The following DOCK1 variants were observed in gnomAD, a reference collection of about 807,000 sequenced individuals.
DOCK1 encodes dedicator of cytokinesis protein 1.
In DOCK1, 138 loss-of-function variants were observed where a neutral mutation model predicts 262.7. The ratio of observed to expected loss-of-function variants is 0.53; its 90% CI spans 0.46 to 0.61. The LOEUF is 0.61. Among genes scored for constraint, DOCK1 ranks in the 20% least tolerant of loss-of-function variants. DOCK1 has a pLI of 0.00. For missense variants in DOCK1, 1,908 were observed against 2,370.7 expected, an observed-to-expected ratio of 0.80 and a Z score of 4.05; for synonymous variants, 866 against 867.4, an observed-to-expected ratio of 1.00 and a Z score of 0.03.
rs1477852584 is a variant in DOCK1 at position 127,418,407 on chromosome 10, C to T, written c.4558C>T (p.Leu1520=). 2 of 1,613,704 alleles carry T rather than the reference C, an allele frequency of 1.2e-6. No homozygotes were observed. Among genetic ancestry groups the T allele is most frequent in the African/African-American group, 2.7e-5 (2 of 74,892 alleles). The change falls in exon 45 of 52, where the codon CTG becomes TTG. Residue 1520 remains leucine (L), a synonymous_variant. Transcript: ENST00000623213. The part of the protein sequence containing the change: ...PLENAIETMQ[L]TNDKINSMVQ... ...GGAGAATGCCATTGAGACCATGCAG[C>T]TGACGAACGACAAGATCAACAGCAT...
At chr10:127,151,881 C>T (rs2052525017) in intron 27 of DOCK1, among the ~76,000 whole-genome samples, 1 of 152,160 alleles carries the variant, frequency 6.6e-6, no homozygotes, top group African/African-American at 2.4e-5. Context: ...TCGAGTCATT[C>T]CTGAAAGGAC....
At chr10:127,322,800 G>A (rs1254137738) in intron 29 of DOCK1, among the ~76,000 whole-genome samples, 5 of 152,226 alleles carry the variant, frequency 3.3e-5, no homozygotes, top group Non-Finnish European at 7.3e-5. Context: ...GAGACCATAT[G>A]GCCTGCAAGG....
chr10:126,918,985 G>A (rs1591311307), intron 1 of DOCK1, among the ~76,000 whole-genome samples: 1 of 106,770 alleles, frequency 9.4e-6, no homozygotes, highest in Non-Finnish European at 2.1e-5. Flanking sequence ...AAAGCCGAGA[G>A]GGAGTGTGGG....
At chr10:126,948,611 A>T (rs1477341783) in intron 1 of DOCK1, among the ~76,000 whole-genome samples, 4 of 151,922 alleles carry the variant, frequency 2.6e-5, no homozygotes, top group African/African-American at 7.3e-5. Flanking sequence ...CAGGCCACAG[A>T]TGGAGAAGGA....
At chr10:127,283,899 A>G (rs2061054644) in intron 29 of DOCK1, among the ~76,000 whole-genome samples, 1 of 152,228 alleles carries the variant, frequency 6.6e-6, no homozygotes. Flanking sequence ...CATTCCCAGA[A>G]GTCGGATTAC....
intron 38 of DOCK1, among the ~76,000 whole-genome samples, chr10:127,387,887 A>G (rs1382733010): frequency 6.6e-6 from 1 of 151,874 alleles, no homozygotes; most frequent in Non-Finnish European, 1.5e-5. Context: ...AGGTAGCCAA[A>G]TATCTTTTCC....
chr10:127,012,823 A>T lies in DOCK1; in HGVS notation c.1201+449A>T, dbSNP rs2041567043. ...ACTCACTGTTTTTAATCCTGCACTG[A>T]CACGTTTCTGAGCAGCTGACCTGCT... On this transcript the variant is annotated intron_variant, in intron 12 of 51. Coordinates refer to ENST00000623213, the MANE Select transcript of DOCK1 (RefSeq NM_001290223.2). The surrounding 1 kb of genome is among the most constrained non-coding windows in gnomAD (Gnocchi z 4.0). Among the ~76,000 whole-genome samples the T allele has an allele frequency of 1.3e-5, 2 of 152,098 alleles. No individual in the cohort carries two copies.
At chr10:127,195,066 C>T (rs1455120502) in intron 27 of DOCK1, among the ~76,000 whole-genome samples, 1 of 152,216 alleles carries the variant, frequency 6.6e-6, no homozygotes, top group Non-Finnish European at 1.5e-5. Context: ...TCCCCCACTC[C>T]TGGCATCTCT....
intron 27 of DOCK1, among the ~76,000 whole-genome samples, chr10:127,197,601 A>AG (rs1486951201): frequency 6.6e-6 from 1 of 152,184 alleles, no homozygotes; most frequent in Non-Finnish European, 1.5e-5. Flanking sequence ...AGTGGACCCC[A>AG]GGGAAGGGAC....
At chr10:127,390,035 T>C (rs1398182162) in intron 38 of DOCK1, among the ~76,000 whole-genome samples, 1 of 149,250 alleles carries the variant, frequency 6.7e-6, no homozygotes, top group Non-Finnish European at 1.5e-5. Context: ...AGAGGGGCTG[T>C]GAGACCTCCC....
intron 25 of DOCK1, among the ~76,000 whole-genome samples, chr10:127,125,221 A>T (rs552398986): frequency 6.6e-6 from 1 of 152,356 alleles, no homozygotes; most frequent in East Asian, 1.9e-4. Context: ...TATATCATGT[A>T]TGCTTGCAAA....
intron 27 of DOCK1, among the ~76,000 whole-genome samples, chr10:127,161,921 TC>T (rs760109649): frequency 6.6e-5 from 10 of 152,226 alleles, no homozygotes; most frequent in Admixed American, 1.3e-4. Context: ...TGACCCCTGT[TC>T]CAGAGAAACT....
intron 49 of DOCK1, among the ~76,000 whole-genome samples, chr10:127,443,053 C>T (rs968926059): frequency 6.6e-6 from 1 of 152,234 alleles, no homozygotes; most frequent in East Asian, 1.9e-4. Context: ...CCTTCAGAGG[C>T]TGTGAGGGAG....
In DOCK1 at chr10:127,451,543, G is replaced by A; in HGVS notation, c.*116G>A. 2.6e-6 allele frequency: 4 copies of A among 1,521,072 alleles called. No individual in the cohort carries two copies. Among genetic ancestry groups the A allele is most frequent in the Non-Finnish European group, 3.5e-6 (4 of 1,135,436 alleles). 94.2% of individuals were successfully genotyped at this position (1,521,072 alleles called of 1,614,324 possible). On this transcript the variant is annotated 3_prime_UTR_variant, in exon 52 of 52. Coordinates refer to ENST00000623213, the MANE Select transcript of DOCK1 (RefSeq NM_001290223.2). ...TGGGCCTGTGATGTTAACATTTCGT[G>A]CGACTGCTTTTTCTTCAAAGGAGTT...
chr10:126,905,986 A>G (rs1288501171), intron 1 of DOCK1, among the ~76,000 whole-genome samples: 2 of 151,264 alleles, frequency 1.3e-5, no homozygotes, highest in African/African-American at 4.9e-5. Context: ...TCTTGGATGA[A>G]CTTGCGTCCC....
chr10:127,372,112 C>T (rs1224349662), intron 33 of DOCK1, among the ~76,000 whole-genome samples: 3 of 152,098 alleles, frequency 2.0e-5, no homozygotes, highest in Non-Finnish European at 4.4e-5. Flanking sequence ...CACTAAGGTC[C>T]GGGTTCTGGG....
At chr10:127,170,288 T>TA (rs757339238) in intron 27 of DOCK1, among the ~76,000 whole-genome samples, 37 of 152,172 alleles carry the variant, frequency 2.4e-4, no homozygotes, top group Non-Finnish European at 4.3e-4. Context: ...CTCAGGGTCT[T>TA]ATCACTACCT....
chr10:126,949,303 A>G (rs911531996), intron 1 of DOCK1, among the ~76,000 whole-genome samples: 80 of 152,086 alleles, frequency 5.3e-4, no homozygotes, highest in Non-Finnish European at 1.1e-3. Flanking sequence ...TAAGCTGTCT[A>G]GTGCCTCTGG....
At chr10:126,949,887 C>T (rs1397636755) in intron 1 of DOCK1, among the ~76,000 whole-genome samples, 3 of 151,994 alleles carry the variant, frequency 2.0e-5, no homozygotes, top group East Asian at 3.9e-4. Context: ...GTCTGGCTCT[C>T]GATGGGAGGG....
Sources: allele counts gnomAD v4.1 joint callset (sites outside exome capture counted in the v4.1 genomes callset), GRCh38; gene constraint gnomAD v4.1.1; non-coding constraint Gnocchi (gnomAD v3.1); transcripts MANE v1.5; gene names NCBI Gene and HGNC (gene_info 2026-07-23, HGNC 2026-07-21).